CELF4: variants seen among roughly 807,000 people sequenced by gnomAD.
CELF4 encodes the protein CUGBP Elav-like family member 4.
A neutral mutation model predicts 59.9 loss-of-function variants in CELF4; 18 were observed. The observed-to-expected ratio is 0.30, with a 90% CI of 0.21 to 0.45. The LOEUF (loss-of-function observed/expected upper bound fraction) is 0.45. CELF4 is among the 20% of genes least tolerant of loss of function. CELF4 has a pLI of 1.00. For synonymous variants in CELF4, 261 were observed against 267.1 expected, an observed-to-expected ratio of 0.98 and a Z score of 0.22; for missense variants, 456 against 689.0, an observed-to-expected ratio of 0.66 and a Z score of 3.79.
chr18:37,526,785 A>G (rs2154604893), intron 1 of CELF4, among the ~76,000 whole-genome samples: 1 of 152,288 alleles, frequency 6.6e-6, no homozygotes, highest in East Asian at 1.9e-4. Flanking sequence ...TCTTGGGAGA[A>G]GCTTTGGTGT....
intron 1 of CELF4, among the ~76,000 whole-genome samples, chr18:37,514,962 C>A (rs866632853): frequency 1.3e-5 from 2 of 152,048 alleles, no homozygotes; most frequent in Admixed American, 6.5e-5. Flanking sequence ...AAAAGAAAAT[C>A]TTTTTTTAAA....
At chr18:37,432,782 T>C (rs1416309267) in intron 2 of CELF4, among the ~76,000 whole-genome samples, 1 of 152,160 alleles carries the variant, frequency 6.6e-6, no homozygotes, top group East Asian at 1.9e-4. Context: ...GTGCCTCACA[T>C]TTACTGTTTT....
chr18:37,382,436 T>G (rs910674994), intron 2 of CELF4, among the ~76,000 whole-genome samples: 2 of 152,206 alleles, frequency 1.3e-5, no homozygotes, highest in African/African-American at 4.8e-5. Context: ...CAAACCAGGC[T>G]CTGTCTTAGG....
chr18:37,553,798 G>C (rs969606243), intron 1 of CELF4, among the ~76,000 whole-genome samples: 1 of 152,124 alleles, frequency 6.6e-6, no homozygotes. Context: ...GGTAGGGTGC[G>C]GGAGAGGTTT....
At chr18:37,286,114 G>A (rs573624802) in intron 3 of CELF4, among the ~76,000 whole-genome samples, 2 of 152,254 alleles carry the variant, frequency 1.3e-5, no homozygotes, top group Admixed American at 1.3e-4. Flanking sequence ...GGTTTCTGCA[G>A]GGGAGGAGGA....
chr18:37,422,681 A>C (rs2099585631), intron 2 of CELF4, among the ~76,000 whole-genome samples: 2 of 152,298 alleles, frequency 1.3e-5, no homozygotes, highest in East Asian at 3.9e-4. Context: ...CACATGCATG[A>C]AAGTGAGAGA....
chr18:37,485,783 C>T (rs2099880014), intron 1 of CELF4, 176 bp from the exon 2 acceptor site: 2 of 389,684 alleles, frequency 5.1e-6, no homozygotes, highest in Non-Finnish European at 9.0e-6. Context: ...GTGTTCCCGG[C>T]TGTCTGCCTC....
At chr18:37,547,243 T>G (rs1178206597) in intron 1 of CELF4, among the ~76,000 whole-genome samples, 1 of 150,688 alleles carries the variant, frequency 6.6e-6, no homozygotes, top group Non-Finnish European at 1.5e-5. Context: ...TGTGTTCCCA[T>G]GAGCCAACAG....
intron 6 of CELF4, 195 bp from the exon 7 acceptor site, chr18:37,273,358 G>T (rs2092223142): frequency 1.5e-6 from 2 of 1,367,444 alleles, no homozygotes; most frequent in Non-Finnish European, 1.9e-6. Context: ...CACCCTGAGA[G>T]ATGACTGTAT....
At chr18:37,434,221 T>C (rs1294588257) in intron 2 of CELF4, among the ~76,000 whole-genome samples, 1 of 152,224 alleles carries the variant, frequency 6.6e-6, no homozygotes, top group Non-Finnish European at 1.5e-5. Context: ...TTCAAGGCCC[T>C]ACACGATTAG....
At chr18:37,546,951 G>A (rs568065511) in intron 1 of CELF4, among the ~76,000 whole-genome samples, 2 of 152,306 alleles carry the variant, frequency 1.3e-5, no homozygotes, top group Admixed American at 1.3e-4. Flanking sequence ...TGTAGCTCAA[G>A]TCAGTACTGC....
At chr18:37,286,597 C>A (rs551305288) in intron 3 of CELF4, among the ~76,000 whole-genome samples, 1 of 152,322 alleles carries the variant, frequency 6.6e-6, no homozygotes, top group Admixed American at 6.5e-5. Flanking sequence ...GACAGTGGGG[C>A]TTGGCTTTCT....
At chr18:37,433,713 GAGA>G (rs1383088819) in intron 2 of CELF4, among the ~76,000 whole-genome samples, 2 of 152,218 alleles carry the variant, frequency 1.3e-5, no homozygotes. Flanking sequence ...AGCAGACGGG[GAGA>G]AGGTTCTGAG....
intron 2 of CELF4, among the ~76,000 whole-genome samples, chr18:37,470,885 T>TGAGAGAGAGAGAGAGAGAGAGA (rs1569569558): frequency 1.3e-5 from 1 of 79,600 alleles, no homozygotes; most frequent in Non-Finnish European, 2.5e-5. Flanking sequence ...TGTGTGTGTG[T>TGAGAGAGAGAGAGAGAGAGAGA]GTGACAGAGA....
At chr18:37,393,843 T>C (rs2154578872) in intron 2 of CELF4, among the ~76,000 whole-genome samples, 1 of 149,622 alleles carries the variant, frequency 6.7e-6, no homozygotes, top group South Asian at 2.1e-4. Context: ...TTAAGTGATA[T>C]TCCTTTACGC....
chr18:37,324,965 G>A (rs1457798971), intron 2 of CELF4, among the ~76,000 whole-genome samples: 1 of 152,168 alleles, frequency 6.6e-6, no homozygotes, highest in Non-Finnish European at 1.5e-5. Context: ...GAGATGCTGG[G>A]AACAGGTGGA....
intron 2 of CELF4, among the ~76,000 whole-genome samples, chr18:37,426,370 C>T (rs976802925): frequency 1.2e-4 from 18 of 152,140 alleles, no homozygotes; most frequent in Non-Finnish European, 2.4e-4. Context: ...CAGCTTTGGT[C>T]CTAGGAGTTG....
At chr18:37,343,670 T>C (rs1030848973) in intron 2 of CELF4, among the ~76,000 whole-genome samples, 1 of 152,060 alleles carries the variant, frequency 6.6e-6, no homozygotes, top group Non-Finnish European at 1.5e-5. Context: ...TGGGCACCTG[T>C]GCGTGTATTC....
intron 3 of CELF4, among the ~76,000 whole-genome samples, chr18:37,309,024 C>A (rs2154483194): frequency 6.6e-6 from 1 of 152,290 alleles, no homozygotes; most frequent in East Asian, 1.9e-4. Flanking sequence ...TTGACCTGGG[C>A]AGGTCCAGCC....
Sources: allele counts gnomAD v4.1 joint callset (sites outside exome capture counted in the v4.1 genomes callset), GRCh38; gene constraint gnomAD v4.1.1; transcripts MANE v1.5; gene names NCBI Gene and HGNC (gene_info 2026-07-23, HGNC 2026-07-21).